Variants in LDLRAD3 observed in about 807,000 individuals in gnomAD.
The protein encoded by LDLRAD3 is low density lipoprotein receptor class A domain containing 3.
Under a neutral mutation model 29.4 loss-of-function variants are expected in LDLRAD3, and 20 were observed. The ratio of observed to expected loss-of-function variants is 0.68; its 90% CI spans 0.48 to 0.99. The LOEUF is 0.99. Ranked by LOEUF, LDLRAD3 falls within the 50% of genes least tolerant of loss-of-function variation. LDLRAD3 has a pLI of 0.00. For missense variants in LDLRAD3, 420 were observed against 454.3 expected, an observed-to-expected ratio of 0.92 and a Z score of 0.69; for synonymous variants, 157 against 192.7, an observed-to-expected ratio of 0.81 and a Z score of 1.53.
chr11:35,963,709 C>T, intron 1 of LDLRAD3, among the ~76,000 whole-genome samples: 1 of 152,198 alleles, frequency 6.6e-6, no homozygotes, highest in East Asian at 1.9e-4. Context: ...AAGAAGTCTC[C>T]ACTCTGTATG....
chr11:36,172,373 T>C (rs1298612224), intron 4 of LDLRAD3, among the ~76,000 whole-genome samples: 1 of 151,868 alleles, frequency 6.6e-6, no homozygotes, highest in Non-Finnish European at 1.5e-5. Context: ...CTATGTTGAA[T>C]AGAAGTGGCG....
chr11:36,062,952 A>G (rs1852727679), intron 2 of LDLRAD3, among the ~76,000 whole-genome samples: 1 of 152,228 alleles, frequency 6.6e-6, no homozygotes, highest in South Asian at 2.1e-4. Context: ...GAAATGTAAC[A>G]ATGTGTAAGA....
At chr11:36,081,915 T>C in intron 3 of LDLRAD3, 137 bp downstream of exon 3, 1 of 1,021,134 alleles carries the variant, frequency 9.8e-7, no homozygotes, top group Middle Eastern at 2.6e-4. Context: ...GATTCTGTTC[T>C]TCCCTACTTC....
At chr11:36,030,170 G>T (rs893099935) in intron 1 of LDLRAD3, among the ~76,000 whole-genome samples, 1 of 152,164 alleles carries the variant, frequency 6.6e-6, no homozygotes, top group Admixed American at 6.5e-5. Context: ...GACCCAGAAG[G>T]CCCATCTTCG....
rs1180567065 is a variant in LDLRAD3 at position 36,191,536 on chromosome 11, CTG to C, written c.455-35547_455-35546del. ...CTAGCCTGGGTGACAGAGCAAGACC[CTG>C]TCTCTCTCTCTCTCTCTCTCTCTCT... On this transcript the variant is annotated intron_variant, in intron 4 of 5. Transcript: ENST00000315571. 4.2e-3 allele frequency among the ~76,000 whole-genome samples: 494 copies of C among 117,674 alleles called. 1 individual carries two copies. The highest frequency in any genetic ancestry group is 8.4e-3 in the Middle Eastern group (2 of 238). 77.2% of individuals were successfully genotyped at this position (117,674 alleles called of 152,430 possible). A position where few individuals can be genotyped will look rare whatever the true frequency, so the allele number is the denominator to read the frequency against.
chr11:36,179,167 C>T (rs541049329), intron 4 of LDLRAD3, among the ~76,000 whole-genome samples: 2 of 152,140 alleles, frequency 1.3e-5, no homozygotes, highest in African/African-American at 4.8e-5. Flanking sequence ...CTGGAGATTC[C>T]GAATGAAAAG....
intron 1 of LDLRAD3, among the ~76,000 whole-genome samples, chr11:36,033,328 C>T (rs961549130): frequency 6.6e-6 from 1 of 152,224 alleles, no homozygotes; most frequent in African/African-American, 2.4e-5. Flanking sequence ...TGAGAAAGCA[C>T]TTTGAGCCCC....
chr11:35,969,395 G>A (rs1851384044), intron 1 of LDLRAD3, among the ~76,000 whole-genome samples: 1 of 152,188 alleles, frequency 6.6e-6, no homozygotes, highest in Non-Finnish European at 1.5e-5. Flanking sequence ...TAATTTTCAA[G>A]CATTATCCAT....
In LDLRAD3 at chr11:36,005,677, A is replaced by G. The variant is rs139700167; in HGVS notation, c.47-30426A>G. 5.0e-3 allele frequency among the ~76,000 whole-genome samples: 757 copies of G among 152,204 alleles called. 7 individuals are homozygous for G. The highest frequency in any genetic ancestry group is 0.017 in the African/African-American group (709 of 41,516). The stretch of plus-strand genomic sequence containing the variant: ...CCCACTCCTGGTACCCATTTTCTGT[A>G]TTAGTTCATTTTCACACTCCTATAA... On this transcript the variant is annotated intron_variant, in intron 1 of 5. Transcript: ENST00000315571.
At chr11:36,042,099 T>A (rs930281101) in intron 2 of LDLRAD3, among the ~76,000 whole-genome samples, 5 of 152,108 alleles carry the variant, frequency 3.3e-5, no homozygotes, top group African/African-American at 7.2e-5. Context: ...GGGCAAATGA[T>A]CACCACGAAA....
At chr11:35,952,463 A>G (rs991739610) in intron 1 of LDLRAD3, among the ~76,000 whole-genome samples, 3 of 152,258 alleles carry the variant, frequency 2.0e-5, no homozygotes, top group African/African-American at 7.2e-5. Context: ...TTTGGCAGAT[A>G]GAAACTGCTG....
At chr11:36,102,377 A>T (rs913376381) in intron 4 of LDLRAD3, among the ~76,000 whole-genome samples, 10 of 152,184 alleles carry the variant, frequency 6.6e-5, no homozygotes, top group Admixed American at 5.2e-4. Context: ...GATGGGGTAG[A>T]GCAAACTGGC....
intron 4 of LDLRAD3, among the ~76,000 whole-genome samples, chr11:36,121,366 G>A (rs1456315887): frequency 1.3e-5 from 2 of 152,132 alleles, no homozygotes; most frequent in South Asian, 4.2e-4. Context: ...GGGTGGTGGA[G>A]TGCAGCCTCG....
intron 2 of LDLRAD3, among the ~76,000 whole-genome samples, chr11:36,080,292 G>A (rs908835003): frequency 1.3e-5 from 2 of 152,140 alleles, no homozygotes; most frequent in Non-Finnish European, 2.9e-5. Context: ...ACCATTAACG[G>A]GAGAGTACAT....
chr11:36,101,438 A>G (rs186551808), intron 4 of LDLRAD3, among the ~76,000 whole-genome samples: 1 of 152,318 alleles, frequency 6.6e-6, no homozygotes, highest in East Asian at 1.9e-4. Flanking sequence ...GTGATATTGC[A>G]CCGTATAGGT....
chr11:35,985,828 G>A (rs994206815), intron 1 of LDLRAD3, among the ~76,000 whole-genome samples: 10 of 151,092 alleles, frequency 6.6e-5, no homozygotes, highest in African/African-American at 2.5e-4. Context: ...ATGTGGAACT[G>A]TGAGTCCATT....
At chr11:36,158,962 A>G (rs1355622606) in intron 4 of LDLRAD3, among the ~76,000 whole-genome samples, 2 of 152,184 alleles carry the variant, frequency 1.3e-5, no homozygotes, top group Admixed American at 6.5e-5. Flanking sequence ...CTATTTTGAA[A>G]TATACAATAC....
intron 1 of LDLRAD3, among the ~76,000 whole-genome samples, chr11:35,975,631 G>T (rs902297240): frequency 6.6e-6 from 1 of 152,112 alleles, no homozygotes; most frequent in Non-Finnish European, 1.5e-5. Flanking sequence ...AAAGATGATG[G>T]GTTAAAGGAA....
At chr11:36,134,501 C>T (rs11033452) in intron 4 of LDLRAD3, among the ~76,000 whole-genome samples, 34,748 of 152,078 alleles carry the variant, frequency 0.23, 4,850 homozygotes, top group African/African-American at 0.4. Context: ...CCAGAGCTCT[C>T]AAGCTTTGAG....
Sources: allele counts gnomAD v4.1 joint callset (sites outside exome capture counted in the v4.1 genomes callset), GRCh38; gene constraint gnomAD v4.1.1; transcripts MANE v1.5; gene names NCBI Gene and HGNC (gene_info 2026-07-23, HGNC 2026-07-21).